SOBP: variants seen among roughly 807,000 people sequenced by gnomAD.
SOBP encodes the protein sine oculis binding protein homolog, also known as sine oculis-binding protein homolog.
Under a neutral mutation model 53.6 loss-of-function variants are expected in SOBP, and 4 were observed. That is an observed-to-expected ratio of 0.07 (90% confidence interval 0.04 to 0.17). The LOEUF (loss-of-function observed/expected upper bound fraction) is 0.17. SOBP is among the 10% of genes least tolerant of loss of function. The pLI is 1.00. For synonymous variants in SOBP, 584 were observed against 522.6 expected (o/e 1.12, Z -1.60); for missense variants, 1,088 against 1,204.7 (o/e 0.90, Z 1.43).
chr6:107,638,187 C>T (rs1771135515), intron 6 of SOBP, among the ~76,000 whole-genome samples: 1 of 136,910 alleles, frequency 7.3e-6, no homozygotes, highest in African/African-American at 2.7e-5. Context: ...CTGGCCCTTC[C>T]TGGTTTGTTT....
intron 4 of SOBP, chr6:107,558,056 G>T (rs1784666018): frequency 6.6e-6 from 1 of 151,972 alleles, no homozygotes; most frequent in African/African-American, 2.4e-5. Context: ...AGACTGATGT[G>T]AAAAAAATTA....
At chr6:107,598,726 C>T (rs1786039925) in intron 5 of SOBP, among the ~76,000 whole-genome samples, 1 of 151,970 alleles carries the variant, frequency 6.6e-6, no homozygotes. Flanking sequence ...GTCCAGGCAC[C>T]CTGTGATGAG....
intron 6 of SOBP, among the ~76,000 whole-genome samples, chr6:107,645,792 C>A (rs1262750143): frequency 6.6e-6 from 1 of 152,136 alleles, no homozygotes; most frequent in Non-Finnish European, 1.5e-5. Flanking sequence ...AATTCTGAAC[C>A]TGAGGAGGGA....
At chr6:107,553,208 T>C (rs1335917178) in intron 4 of SOBP, among the ~76,000 whole-genome samples, 3 of 151,916 alleles carry the variant, frequency 2.0e-5, no homozygotes, top group Admixed American at 6.6e-5. Context: ...TTGGAGTCTG[T>C]CTCCAGGGAA....
intron 3 of SOBP, among the ~76,000 whole-genome samples, chr6:107,525,940 C>G (rs904515674): frequency 2.0e-5 from 3 of 152,062 alleles, no homozygotes; most frequent in African/African-American, 7.2e-5. Context: ...ATCTTTGATC[C>G]TGTCATGTTC....
chr6:107,533,747 C>T, intron 4 of SOBP, 137 bp downstream of exon 4: 3 of 1,118,070 alleles, frequency 2.7e-6, no homozygotes, highest in Middle Eastern at 2.9e-4. Context: ...GTTGATTCCC[C>T]TTTTGTGTCA....
chr6:107,547,549 A>G (rs911481343), intron 4 of SOBP, among the ~76,000 whole-genome samples: 1 of 152,236 alleles, frequency 6.6e-6, no homozygotes, highest in Non-Finnish European at 1.5e-5. Flanking sequence ...TGCAGGCTAT[A>G]CAAATATGGG....
At chr6:107,590,942 A>G (rs6915923) in intron 5 of SOBP, among the ~76,000 whole-genome samples, 2,169 of 152,326 alleles carry the variant, frequency 0.014, 50 homozygotes, top group African/African-American at 0.05. Flanking sequence ...TAGACAGTGC[A>G]GGTAGGGACA....
intron 4 of SOBP, among the ~76,000 whole-genome samples, chr6:107,555,690 G>A (rs1258728597): frequency 6.6e-6 from 1 of 152,222 alleles, no homozygotes; most frequent in East Asian, 1.9e-4. Flanking sequence ...CAGAAACCCA[G>A]CAGAGACCAA....
Position 107,533,478 on chromosome 6 carries a change from A to G in SOBP, c.441A>G (p.Val147=), listed in dbSNP as rs1243642045. The change falls in exon 4 of 7, where the codon GTA becomes GTG. Residue 147 remains valine (V), a synonymous_variant. Coordinates refer to ENST00000317357, the MANE Select transcript of SOBP (RefSeq NM_018013.4). ...TTATAGAAGATGATGTGTCAAATGT[A>G]CAAATAATGTGTGCCTGGTGCCAGA... ...KPPAEDDVSN[V]QIMCAWCQKV... The G allele has an allele frequency of 2.5e-6, 4 of 1,614,136 alleles. No individual in the cohort carries two copies. Among genetic ancestry groups the G allele is most frequent in the East Asian group, 2.2e-5 (1 of 44,872 alleles).
chr6:107,587,313 A>G (rs1469686005), intron 5 of SOBP, 138 bp downstream of exon 5: 3 of 689,128 alleles, frequency 4.4e-6, no homozygotes, highest in East Asian at 2.7e-5. Context: ...GCTAATTCTG[A>G]TATCACTGAA....
intron 5 of SOBP, among the ~76,000 whole-genome samples, chr6:107,618,442 G>T (rs1786878123): frequency 6.6e-6 from 1 of 152,158 alleles, no homozygotes; most frequent in African/African-American, 2.4e-5. Context: ...TCTGGATAAG[G>T]CTGAATTTGC....
chr6:107,644,264 A>G (rs1422118749), intron 6 of SOBP, among the ~76,000 whole-genome samples: 1 of 152,250 alleles, frequency 6.6e-6, no homozygotes, highest in Non-Finnish European at 1.5e-5. Flanking sequence ...AATTCGTGCC[A>G]CTGCACTCCA....
intron 2 of SOBP, 132 bp downstream of exon 2, chr6:107,503,927 C>T: frequency 9.3e-7 from 1 of 1,075,294 alleles, no homozygotes; most frequent in Non-Finnish European, 1.4e-6. Context: ...AACATACATC[C>T]CCAATAGTGC....
chr6:107,660,592 G>C lies in SOBP; in HGVS notation c.*2389G>C, dbSNP rs927899919. 1.3e-5 allele frequency among the ~76,000 whole-genome samples: 2 copies of C among 152,170 alleles called. No individual in the cohort carries two copies. Among genetic ancestry groups the C allele is most frequent in the Non-Finnish European group, 2.9e-5 (2 of 68,032 alleles). Reference sequence around the variant, plus strand: ...ACACACCATCTCACCCCACTGACTAGAGAGACTTTTATTTCAGCCTTATGT... The same window carrying C: ...ACACACCATCTCACCCCACTGACTACAGAGACTTTTATTTCAGCCTTATGT... On this transcript the variant is annotated 3_prime_UTR_variant, in exon 7 of 7. Coordinates refer to ENST00000317357, the MANE Select transcript of SOBP (RefSeq NM_018013.4).
chr6:107,608,984 A>G (rs1786491656), intron 5 of SOBP, among the ~76,000 whole-genome samples: 1 of 152,184 alleles, frequency 6.6e-6, no homozygotes, highest in Admixed American at 6.5e-5. Flanking sequence ...AACCACCACT[A>G]CCAAAGAAAA....
chr6:107,591,968 GTTTT>G (rs56210027), intron 5 of SOBP, among the ~76,000 whole-genome samples: 11 of 88,664 alleles, frequency 1.2e-4, no homozygotes, highest in East Asian at 1.1e-3. Context: ...GTCTTTTGGT[GTTTT>G]TTTTTTTTTT....
At chr6:107,602,111 A>G (rs998778901) in intron 5 of SOBP, among the ~76,000 whole-genome samples, 2 of 152,168 alleles carry the variant, frequency 1.3e-5, no homozygotes, top group Non-Finnish European at 2.9e-5. Flanking sequence ...TTTTTTTCCT[A>G]AATTAAGATG....
chr6:107,510,470 G>A (rs1291109045), intron 3 of SOBP: 1 of 152,194 alleles, frequency 6.6e-6, no homozygotes, highest in Non-Finnish European at 1.5e-5. Context: ...ATGAATGAAT[G>A]ACTGATATTC....
Sources: allele counts gnomAD v4.1 joint callset (sites outside exome capture counted in the v4.1 genomes callset), GRCh38; gene constraint gnomAD v4.1.1; transcripts MANE v1.5; gene names NCBI Gene and HGNC (gene_info 2026-07-23, HGNC 2026-07-21).